The following COL10A1 variants were observed in gnomAD, a reference collection of about 807,000 sequenced individuals.
The protein encoded by COL10A1 is collagen alpha-1(X) chain.
In COL10A1, 10 loss-of-function variants were observed where a neutral mutation model predicts 18.2. The ratio of observed to expected loss-of-function variants is 0.55; its 90% CI spans 0.34 to 0.93. The LOEUF (loss-of-function observed/expected upper bound fraction) is 0.93. Ranked by LOEUF, COL10A1 falls within the 40% of genes least tolerant of loss-of-function variation. COL10A1 has a pLI of 0.02. For synonymous variants in COL10A1, 330 were observed against 316.6 expected (o/e 1.04, Z -0.45); for missense variants, 897 against 853.5 (o/e 1.05, Z -0.64).
At chr6:116,145,230 A>G (rs1182323136) in intron 1 of COL10A1, among the ~76,000 whole-genome samples, 1 of 152,164 alleles carries the variant, frequency 6.6e-6, no homozygotes, top group African/African-American at 2.4e-5. Context: ...TAACTATTAA[A>G]TGTCCCCAAA....
the COL10A1 span, among the ~76,000 whole-genome samples, chr6:116,169,816 GT>G: frequency 6.6e-6 from 1 of 152,150 alleles, no homozygotes; most frequent in East Asian, 1.9e-4. Context: ...TTGAAAGTGT[GT>G]ATAGATGATA....
upstream of COL10A1, among the ~76,000 whole-genome samples, chr6:116,127,332 G>A (rs1412528958): frequency 6.6e-6 from 1 of 152,026 alleles, no homozygotes; most frequent in Non-Finnish European, 1.5e-5. Flanking sequence ...AATGTAAATG[G>A]ATAAGGCATC....
rs1332482780 is a variant in COL10A1, at chr6:116,146,802, T to C, written c.-16+11812A>G. 9.9e-5 allele frequency among the ~76,000 whole-genome samples: 15 copies of C among 151,976 alleles called. No homozygotes were observed. The East Asian group carries it at 2.9e-3, about 29-fold the overall frequency. On this transcript the variant is annotated intron_variant, in intron 1 of 1. Coordinates refer to the COL10A1 transcript ENST00000418500. Reference sequence around the variant, plus strand: ...TGTATGAAAAAGATAGCATTTCAGATCAGTGGAAGACAGATTATTCAATAA... The same window carrying C: ...TGTATGAAAAAGATAGCATTTCAGACCAGTGGAAGACAGATTATTCAATAA...
In COL10A1 at chr6:116,121,077, C is replaced by T; in HGVS notation, c.1039G>A (p.Gly347Arg). Residue 347 changes from glycine to arginine, a missense_variant, in exon 3 of 3, where the codon GGA (glycine) becomes AGA (arginine). Coordinates refer to ENST00000651968, the MANE Select transcript of COL10A1 (RefSeq NM_000493.4). ...TGPPGNMGPQ[G>R]PKGIPGSHGL... is the part of the protein sequence containing the mutation. The stretch of plus-strand genomic sequence containing the variant: ...TGGCTACCCGGGATGCCTTTTGGTC[C>T]TTGGGGTCCCATATTCCCAGGGGGT... The T allele has an allele frequency of 1.9e-6, 3 of 1,614,050 alleles. No individual in the cohort carries two copies. Among genetic ancestry groups the T allele is most frequent in the East Asian group, 2.2e-5 (1 of 44,868 alleles).
At chr6:116,163,141 A>AAAAAAAAAAAATAT (rs761718922), upstream of COL10A1, among the ~76,000 whole-genome samples, 1 of 88,404 alleles carries the variant, frequency 1.1e-5, no homozygotes, top group African/African-American at 5.8e-5. Context: ...AAAAAAAAAA[A>AAAAAAAAAAAATAT]ATATATATAT....
chr6:116,205,351 C>A, the COL10A1 span, among the ~76,000 whole-genome samples: 4 of 151,716 alleles, frequency 2.6e-5, no homozygotes, highest in Non-Finnish European at 4.4e-5. Flanking sequence ...TTTTATGTTT[C>A]AAAATTTAGA....
At chr6:116,159,612 C>T (rs1016105959), upstream of COL10A1, among the ~76,000 whole-genome samples, 1 of 152,194 alleles carries the variant, frequency 6.6e-6, no homozygotes, top group South Asian at 2.1e-4. Flanking sequence ...GCACACACAA[C>T]ACTGCTGTCA....
In COL10A1 at chr6:116,153,068, A is replaced by G. The variant is rs566065096; in HGVS notation, c.-16+5546T>C. 8.5e-5 allele frequency among the ~76,000 whole-genome samples: 13 copies of G among 152,118 alleles called. No individual in the cohort carries two copies. The East Asian group carries it at 2.3e-3, about 27-fold the overall frequency. ...AAATCTTAATCACTTGAGGTAGGCT[A>G]ATATATAACATTTAATAAAATCCCT... On this transcript the variant is annotated intron_variant, in intron 1 of 1. Coordinates refer to the COL10A1 transcript ENST00000418500.
chr6:116,122,470 A>G (rs1394295231), intron 2 of COL10A1, among the ~76,000 whole-genome samples: 1 of 152,206 alleles, frequency 6.6e-6, no homozygotes, highest in Non-Finnish European at 1.5e-5. Flanking sequence ...TTACCTCAGA[A>G]TATACTCTGA....
At chr6:116,156,412 A>C (rs1204210908) in intron 1 of COL10A1, among the ~76,000 whole-genome samples, 1 of 152,184 alleles carries the variant, frequency 6.6e-6, no homozygotes, top group Non-Finnish European at 1.5e-5. Context: ...GTTGAAAAAA[A>C]TGTGTTCCAT....
At chr6:116,204,346 T>C in the COL10A1 span, among the ~76,000 whole-genome samples, 1,757 of 152,014 alleles carry the variant, frequency 0.012, 34 homozygotes, top group African/African-American at 0.04. Flanking sequence ...GGATGAGAGG[T>C]AGTGACTGAG....
At chr6:116,146,336 G>C (rs1779897218) in intron 1 of COL10A1, among the ~76,000 whole-genome samples, 1 of 152,196 alleles carries the variant, frequency 6.6e-6, no homozygotes, top group African/African-American at 2.4e-5. Flanking sequence ...GTGATTTTTA[G>C]ACAGCTTGCT....
chr6:116,203,959 A>G, the COL10A1 span, among the ~76,000 whole-genome samples: 10 of 151,938 alleles, frequency 6.6e-5, no homozygotes, highest in African/African-American at 2.4e-4. Flanking sequence ...TAGACGACAG[A>G]TGCCCTGACA....
chr6:116,176,598 T>C, the COL10A1 span, among the ~76,000 whole-genome samples: 2 of 152,176 alleles, frequency 1.3e-5, no homozygotes, highest in Non-Finnish European at 2.9e-5. Context: ...TACTTGGTAT[T>C]GGTATAGGAT....
chr6:116,120,300 T>C lies in COL10A1; in HGVS notation c.1816A>G (p.Lys606Glu). ...IYYFSYHVHV[K>E]GTHVWVGLYK... is the part of the protein sequence containing the mutation. ...AGGCCTACCCAAACATGAGTCCCTT[T>C]CACATGCACGTGGTATGAAAAATAG... The change falls in exon 3 of 3, where the codon AAA becomes GAA. Residue 606 changes from lysine to glutamate, a missense_variant. Physicochemically the swap from Lys to Glu is moderately conservative, Grantham distance 56. Coordinates refer to ENST00000651968, the MANE Select transcript of COL10A1 (RefSeq NM_000493.4). 6.2e-7 allele frequency: 1 copy of C among 1,614,234 alleles called. No individual in the cohort carries two copies. Among genetic ancestry groups the C allele is most frequent in the Non-Finnish European group, 8.5e-7 (1 of 1,180,048 alleles).
At chr6:116,144,899 T>A (rs1410485117) in intron 1 of COL10A1, among the ~76,000 whole-genome samples, 1 of 152,160 alleles carries the variant, frequency 6.6e-6, no homozygotes, top group Non-Finnish European at 1.5e-5. Context: ...AAACAGGGGA[T>A]CTTAGGCTGA....
the COL10A1 span, among the ~76,000 whole-genome samples, chr6:116,164,323 C>A: frequency 6.6e-6 from 1 of 152,042 alleles, no homozygotes; most frequent in African/African-American, 2.4e-5. Context: ...GAGTTGAAGT[C>A]TTTATCATGT....
chr6:116,211,591 T>C, the COL10A1 span, among the ~76,000 whole-genome samples: 2 of 152,076 alleles, frequency 1.3e-5, no homozygotes, highest in Admixed American at 6.6e-5. Context: ...TCATTAGCCA[T>C]GCCAAATAAG....
the COL10A1 span, among the ~76,000 whole-genome samples, chr6:116,199,162 A>C: frequency 6.6e-6 from 1 of 152,204 alleles, no homozygotes; most frequent in African/African-American, 2.4e-5. Flanking sequence ...AATGTATAAA[A>C]ATATCTTTCC....
Sources: gnomAD v4.1 joint callset for allele counts (sites outside exome capture counted in the v4.1 genomes callset) on GRCh38, gnomAD v4.1.1 for gene constraint, MANE v1.5 for transcripts, NCBI Gene and HGNC (gene_info 2026-07-23, HGNC 2026-07-21) for gene names.